The following EMP2 variants were observed in gnomAD, a reference collection of about 807,000 sequenced individuals.
The protein encoded by EMP2 is epithelial membrane protein 2.
A neutral mutation model predicts 13.7 loss-of-function variants in EMP2; 19 were observed. The observed-to-expected ratio is 1.38, with a 90% confidence interval of 0.97 to 2.03. The LOEUF is 2.03. Among genes scored for constraint, EMP2 ranks in the 30% most tolerant of loss-of-function variants. The pLI is 0.00. For synonymous variants in EMP2, 97 were observed against 84.7 expected (o/e 1.15, Z -0.80); for missense variants, 253 against 220.7 (o/e 1.15, Z -0.93).
At chr16:10,569,764 C>T (rs921601768) in intron 1 of EMP2, among the ~76,000 whole-genome samples, 1 of 152,208 alleles carries the variant, frequency 6.6e-6, no homozygotes, top group African/African-American at 2.4e-5. Flanking sequence ...TTTCCAAATG[C>T]CTGCGTGCAT....
intron 3 of EMP2, among the ~76,000 whole-genome samples, chr16:10,539,592 A>T (rs1175678514): frequency 1.3e-5 from 2 of 152,068 alleles, no homozygotes; most frequent in African/African-American, 2.4e-5. Flanking sequence ...CTTTCTGGAG[A>T]GTTGGCAATG....
At chr16:10,571,392 G>A (rs1477424957) in intron 1 of EMP2, among the ~76,000 whole-genome samples, 1 of 151,980 alleles carries the variant, frequency 6.6e-6, no homozygotes, top group East Asian at 1.9e-4. Flanking sequence ...CAACCACACT[G>A]GGGGCACCTT....
At chr16:10,550,545 G>A (rs929682934) in intron 1 of EMP2, among the ~76,000 whole-genome samples, 4 of 152,208 alleles carry the variant, frequency 2.6e-5, no homozygotes, top group Non-Finnish European at 4.4e-5. Context: ...AATGGCATAT[G>A]AGCCATGTGT....
At chr16:10,542,405 A>G (rs1316396555) in intron 3 of EMP2, among the ~76,000 whole-genome samples, 2 of 149,616 alleles carry the variant, frequency 1.3e-5, no homozygotes, top group African/African-American at 5.0e-5. Context: ...CTCAAAAACA[A>G]ACAAACAAAC....
At chr16:10,549,261 A>G (rs2050763644) in intron 1 of EMP2, among the ~76,000 whole-genome samples, 1 of 152,246 alleles carries the variant, frequency 6.6e-6, no homozygotes, top group Admixed American at 6.5e-5. Context: ...GTCTTACAAC[A>G]GAACTACAGT....
At chr16:10,575,890 T>A (rs1467909896) in intron 1 of EMP2, among the ~76,000 whole-genome samples, 1 of 152,008 alleles carries the variant, frequency 6.6e-6, no homozygotes, top group Non-Finnish European at 1.5e-5. Context: ...CATAGGGGCC[T>A]CTTTGCAAAA....
At position 10,533,013 on chromosome 16, in the gene EMP2, G is replaced by C; in HGVS notation, c.396C>G (p.Pro132=). 1 of 1,611,702 alleles carries C rather than the reference G, an allele frequency of 6.2e-7. No homozygotes were observed. The highest frequency in any genetic ancestry group is 8.5e-7 in the Non-Finnish European group (1 of 1,178,974). Residue 132 remains proline, a synonymous_variant, in exon 5 of 5, where the codon CCC becomes CCG. Coordinates refer to ENST00000359543, the MANE Select transcript of EMP2 (RefSeq NM_001424.6). ...AGCCGTAGCTGCCTTCTCTGGTCAC[G>C]GGATAGAATTTCGCGTTTTTGTCGT... ...DIHDKNAKFY[P]VTREGSYGYS... is the part of the protein sequence containing the mutation.
intron 1 of EMP2, among the ~76,000 whole-genome samples, chr16:10,555,554 C>T (rs1465255491): frequency 6.6e-6 from 1 of 151,890 alleles, no homozygotes; most frequent in Non-Finnish European, 1.5e-5. Context: ...AGTCTTCTGT[C>T]ATACCCCTGT....
chr16:10,565,782 C>T (rs941099174), intron 1 of EMP2, among the ~76,000 whole-genome samples: 3 of 152,120 alleles, frequency 2.0e-5, no homozygotes, highest in East Asian at 1.9e-4. Flanking sequence ...GAACCCATTC[C>T]GATGCACTTG....
At chr16:10,577,957 C>CA (rs1022910446) in intron 1 of EMP2, 1 of 138,374 alleles carries the variant, frequency 7.2e-6, no homozygotes, top group Non-Finnish European at 1.6e-5. Flanking sequence ...CCCACCCCCC[C>CA]ACACACAATT....
intron 1 of EMP2, among the ~76,000 whole-genome samples, chr16:10,571,577 A>G (rs547264762): frequency 6.6e-6 from 1 of 152,342 alleles, no homozygotes; most frequent in African/African-American, 2.4e-5. Flanking sequence ...AGTTGAAACT[A>G]CTGAAGAATT....
intron 1 of EMP2, chr16:10,576,503 A>T (rs997898748): frequency 6.6e-6 from 1 of 151,824 alleles, no homozygotes; most frequent in Non-Finnish European, 1.5e-5. Flanking sequence ...TATATCCTGC[A>T]TGGTGATGGC....
rs1398285396 is a variant in EMP2, at chr16:10,543,955, G to T, written c.79-295C>A. Reference sequence around the variant, plus strand: ...GCTCACTGCAGCCTCCATCTCTTGGGCTCGAGCAATCCTCCCACCTCAGCC... The same window carrying T: ...GCTCACTGCAGCCTCCATCTCTTGGTCTCGAGCAATCCTCCCACCTCAGCC... On this transcript the variant is annotated intron_variant, in intron 2 of 4. Coordinates refer to ENST00000359543, the MANE Select transcript of EMP2 (RefSeq NM_001424.6). 5.3e-5 allele frequency among the ~76,000 whole-genome samples: 8 copies of T among 152,222 alleles called. No individual in the cohort carries two copies. The East Asian group carries it at 1.5e-3, about 29-fold the overall frequency.
chr16:10,558,048 T>TA (rs1213878621), intron 1 of EMP2, among the ~76,000 whole-genome samples: 5 of 150,576 alleles, frequency 3.3e-5, no homozygotes, highest in African/African-American at 9.9e-5. Flanking sequence ...TTTTTTTTTT[T>TA]AAACAGGATC....
In EMP2 at chr16:10,580,556, T is replaced by G. The variant is rs1292459217; in HGVS notation, c.-68A>C. ...GGTGCGCCCACAACTCACCCGGCGCTGGCGGCTGCGCTGGCAGCTGGATCG... is the reference window on the plus strand; with the variant it reads ...GGTGCGCCCACAACTCACCCGGCGCGGGCGGCTGCGCTGGCAGCTGGATCG... On this transcript the variant is annotated 5_prime_UTR_variant, in exon 1 of 5. Transcript: ENST00000359543. This position sits in a 1 kb window ranked among gnomAD's most constrained non-coding sequence, Gnocchi z 4.3. 3.3e-5 allele frequency: 5 copies of G among 152,602 alleles called. No individual in the cohort carries two copies. Among genetic ancestry groups the G allele is most frequent in the Non-Finnish European group, 7.3e-5 (5 of 68,430 alleles). The allele number at this position is 152,602 out of a possible 1,614,324, so 9.5% of individuals were successfully genotyped here. A position where few individuals can be genotyped will look rare whatever the true frequency, so the allele number is the denominator to read the frequency against.
chr16:10,572,740 G>C (rs963417477), intron 1 of EMP2, among the ~76,000 whole-genome samples: 1 of 152,156 alleles, frequency 6.6e-6, no homozygotes, highest in Admixed American at 6.5e-5. Flanking sequence ...CAGCCCACCT[G>C]TAGCACCCCG....
rs997936499 is a variant in EMP2, at chr16:10,546,247, C to T, written c.78+1293G>A. 2.0e-5 allele frequency: 3 copies of T among 152,200 alleles called. No homozygotes were observed. In the South Asian group the frequency reaches 6.2e-4, roughly 31 times the overall value. The allele number at this position is 152,200 out of a possible 1,614,324, so 9.4% of individuals were successfully genotyped here. A position where few individuals can be genotyped will look rare whatever the true frequency, so the allele number is the denominator to read the frequency against. Reference sequence around the variant, plus strand: ...TATATGTAGGCAGAGTTGGTGGCCACTCGTATGGTGTACTTTTTGGCTTTC... The same window carrying T: ...TATATGTAGGCAGAGTTGGTGGCCATTCGTATGGTGTACTTTTTGGCTTTC... On this transcript the variant is annotated intron_variant, in intron 2 of 4. Transcript: ENST00000359543.
chr16:10,538,899 T>A (rs754105831), intron 3 of EMP2, among the ~76,000 whole-genome samples: 16 of 152,144 alleles, frequency 1.1e-4, no homozygotes, highest in Non-Finnish European at 2.4e-4. Flanking sequence ...CACTGCAGCC[T>A]TGAACTCTTG....
Position 10,529,520 on chromosome 16 carries a change from A to G in EMP2, c.*3385T>C, listed in dbSNP as rs1026215459. 2.0e-5 allele frequency: 3 copies of G among 152,218 alleles called. No homozygotes were observed. In the East Asian group the frequency reaches 5.8e-4, roughly 29 times the overall value. 9.4% of individuals were successfully genotyped at this position (152,218 alleles called of 1,614,324 possible). On this transcript the variant is annotated 3_prime_UTR_variant, in exon 5 of 5. Coordinates refer to ENST00000359543, the MANE Select transcript of EMP2 (RefSeq NM_001424.6). ...AATCCATAGGATCATTTCAGACCGC[A>G]TTCAACACAGATACTCATGTAGCCC... is the stretch of plus-strand genomic sequence containing the variant.
Sources: gnomAD v4.1 joint callset for allele counts (sites outside exome capture counted in the v4.1 genomes callset) on GRCh38, gnomAD v4.1.1 for gene constraint, Gnocchi (gnomAD v3.1) non-coding constraint, MANE v1.5 for transcripts, NCBI Gene and HGNC (gene_info 2026-07-23, HGNC 2026-07-21) for gene names.